Variants in DLL3 observed in about 807,000 individuals in gnomAD.
DLL3 encodes the protein delta like canonical Notch ligand 3, also known as delta-like protein 3.
DLL3 carries 49 observed loss-of-function variants against 55.0 expected under a neutral mutation model. That is an observed-to-expected ratio of 0.89 (90% CI 0.71 to 1.13). DLL3 has a LOEUF of 1.13. DLL3 is among the 50% of genes most tolerant of loss of function. The pLI is 0.00. For synonymous variants in DLL3, 421 were observed against 385.2 expected, an observed-to-expected ratio of 1.09 and a Z score of -1.09; for missense variants, 962 against 875.5, an observed-to-expected ratio of 1.10 and a Z score of -1.25.
chr19:39,500,465 G>A, intron 2 of DLL3, 150 bp from the exon 3 acceptor site: 1 of 686,758 alleles, frequency 1.5e-6, no homozygotes, highest in South Asian at 1.5e-5. Context: ...TCCCTCCCTG[G>A]GCTGGTCTGG....
chr19:39,504,396 T>A, intron 5 of DLL3, 108 bp downstream of exon 5: 1 of 1,269,082 alleles, frequency 7.9e-7, no homozygotes, highest in Non-Finnish European at 1.1e-6. Context: ...GATCTGGGAA[T>A]AACTATCAGG....
chr19:39,504,511 T>C (rs1246697894), intron 5 of DLL3, among the ~76,000 whole-genome samples: 2 of 152,034 alleles, frequency 1.3e-5, no homozygotes, highest in Non-Finnish European at 2.9e-5. Context: ...CCCCGAAAGA[T>C]GCAGGAGTGG....
chr19:39,500,692 G>A lies in DLL3; in HGVS notation c.409+20G>A. ...TTGGAGGTGAGTGTCTTCAGTCTTG[G>A]GACTGGTGGGGAGCTGGGGCCCACG... On this transcript the variant is annotated intron_variant, in intron 3 of 8. Coordinates refer to ENST00000356433, the MANE Select transcript of DLL3 (RefSeq NM_203486.3). 3 of 1,610,616 alleles carry A rather than the reference G, an allele frequency of 1.9e-6. No homozygotes were observed. The highest frequency in any genetic ancestry group is 2.5e-6 in the Non-Finnish European group (3 of 1,177,128).
chr19:39,499,388 T>G lies in DLL3; in HGVS notation c.266T>G (p.Val89Gly). 6.3e-7 allele frequency: 1 copy of G among 1,574,980 alleles called. No individual in the cohort carries two copies. ...LGAALSARGP[V>G]YTEQPGAPAP... Reference sequence around the variant, plus strand: ...GCGGCGCTGAGTGCGCGCGGACCGGTCTACACCGAGCAGCCCGGAGCGCCC... The same window carrying G: ...GCGGCGCTGAGTGCGCGCGGACCGGGCTACACCGAGCAGCCCGGAGCGCCC... Residue 89 changes from valine to glycine, a missense_variant, in exon 2 of 9, where the codon GTC (valine) becomes GGC (glycine). Transcript: ENST00000356433.
intron 6 of DLL3, 155 bp downstream of exon 6, chr19:39,505,606 TC>T: frequency 1.4e-6 from 1 of 701,258 alleles, no homozygotes; most frequent in Non-Finnish European, 2.4e-6. Context: ...AAGGAGACAT[TC>T]CCTATCTCAT....
At position 39,502,930 on chromosome 19, in the gene DLL3, C is replaced by A; in HGVS notation, c.525C>A (p.Arg175=). Residue 175 remains arginine, a synonymous_variant, in exon 4 of 9, where the codon CGC becomes CGA. Transcript: ENST00000356433. ...CCTGGGAGCTGCGCTTCTCGTACCG[C>A]GCGCGCTGCGAGCCGCCTGCCGTCG... ...AGAWELRFSY[R]ARCEPPAVGT... 2 of 1,440,012 alleles carry A rather than the reference C, an allele frequency of 1.4e-6. No homozygotes were observed. Among genetic ancestry groups the A allele is most frequent in the South Asian group, 2.8e-5 (2 of 72,590 alleles). 89.2% of individuals were successfully genotyped at this position (1,440,012 alleles called of 1,614,324 possible).
chr19:39,499,428 A>T lies in DLL3; in HGVS notation c.306A>T (p.Pro102=), dbSNP rs979216098. Residue 102 remains proline, a synonymous_variant, in exon 2 of 9, where the codon CCA becomes CCT. Transcript: ENST00000356433. The part of the protein sequence containing the change: ...EQPGAPAPDL[P]LPDGLLQVPF... ...CCGGAGCGCCCGCGCCTGATCTCCC[A>T]CTGCCCGACGGCCTCTTGCAGGTGC... is the stretch of plus-strand genomic sequence containing the variant. 1.3e-6 allele frequency: 2 copies of T among 1,590,916 alleles called. No homozygotes were observed. The highest frequency in any genetic ancestry group is 8.5e-7 in the Non-Finnish European group (1 of 1,176,300).
At chr19:39,506,980 C>T (rs2079644377) in intron 6 of DLL3, 59 bp from the exon 7 acceptor site, 2 of 1,505,418 alleles carry the variant, frequency 1.3e-6, no homozygotes, top group Admixed American at 2.0e-5. Context: ...TGGGAAACAG[C>T]GCGGGCAGGT....
intron 2 of DLL3, 136 bp from the exon 3 acceptor site, chr19:39,500,479 C>T (rs1401825042): frequency 1.5e-6 from 1 of 676,810 alleles, no homozygotes; most frequent in South Asian, 1.4e-5. Context: ...GGTCTGGTCC[C>T]TCTGGGAATT....
At chr19:39,503,343 T>C (rs1001047983) in intron 4 of DLL3, among the ~76,000 whole-genome samples, 4 of 152,094 alleles carry the variant, frequency 2.6e-5, no homozygotes, top group Non-Finnish European at 5.9e-5. Context: ...CCCTTCCCTC[T>C]CCCAGCCCTC....
rs140715276 is a variant in DLL3, at chr19:39,508,004, C to T, written c.1758+90C>T. The T allele has an allele frequency of 4.8e-5, 77 of 1,613,098 alleles. 3 individuals are homozygous for T. In the South Asian group the frequency reaches 5.5e-4, roughly 12 times the overall value. On this transcript the variant is annotated intron_variant, in intron 8 of 8. Transcript: ENST00000356433. ...TTCCCTACCCTTCCTCGATTCTGTCCGTGAAATGAATTGGGTAGAGTCTCT... is the reference window on the plus strand; with the variant it reads ...TTCCCTACCCTTCCTCGATTCTGTCTGTGAAATGAATTGGGTAGAGTCTCT...
chr19:39,507,534 C>T lies in DLL3; in HGVS notation c.1589C>T (p.Ala530Val). Reference sequence around the variant, plus strand: ...CAGGATGCTGGGTCTCGCTTGCTGGCTGGGACCCCGGAGCCGTCAGTCCAC... The same window carrying T: ...CAGGATGCTGGGTCTCGCTTGCTGGTTGGGACCCCGGAGCCGTCAGTCCAC... ...HSQDAGSRLL[A>V]GTPEPSVHAL... Residue 530 changes from alanine (A) to valine (V), a missense_variant, in exon 7 of 9, where the codon GCT (alanine) becomes GTT (valine). By Grantham distance (64) the Ala-to-Val change is moderately conservative (BLOSUM62 0). Coordinates refer to ENST00000356433, the MANE Select transcript of DLL3 (RefSeq NM_203486.3). 1.2e-6 allele frequency: 2 copies of T among 1,605,706 alleles called. No individual in the cohort carries two copies. The highest frequency in any genetic ancestry group is 2.3e-5 in the East Asian group (1 of 44,394).
In DLL3 at chr19:39,505,237, C is replaced by G; in HGVS notation, c.879C>G (p.Pro293=). Residue 293 remains proline, a synonymous_variant, in exon 6 of 9, where the codon CCC becomes CCG. Coordinates refer to ENST00000356433, the MANE Select transcript of DLL3 (RefSeq NM_203486.3). ...CTCTTGTCCCTGCCCAGGAGACACC[C>G]AGGTCCTTTGAATGCACCTGCCCGC... ...CANGGSCSET[P]RSFECTCPRG... is the part of the protein sequence containing the mutation. 1 of 1,614,040 alleles carries G rather than the reference C, an allele frequency of 6.2e-7. No individual in the cohort carries two copies. The highest frequency in any genetic ancestry group is 8.5e-7 in the Non-Finnish European group (1 of 1,180,020).
chr19:39,508,238 C>T lies in DLL3; in HGVS notation c.1759-14C>T, dbSNP rs2079656764. The T allele has an allele frequency of 6.2e-7, 1 of 1,613,870 alleles. No homozygotes were observed. Among genetic ancestry groups the T allele is most frequent in the African/African-American group, 1.3e-5 (1 of 74,836 alleles). ...GGCAGCCTCTCTAATGCTTCCTACT[C>T]ATTTTGTTTCTAGGCCTGACGCGTC... is the stretch of plus-strand genomic sequence containing the variant. On this transcript the variant is annotated splice_polypyrimidine_tract_variant and intron_variant, in intron 8 of 8. Transcript: ENST00000356433.
At position 39,507,425 on chromosome 19, in the gene DLL3, C is replaced by A. The variant is rs1006948723; in HGVS notation, c.1480C>A (p.Pro494Thr). 1 of 1,592,726 alleles carries A rather than the reference C, an allele frequency of 6.3e-7. No homozygotes were observed. Among genetic ancestry groups the A allele is most frequent in the African/African-American group, 1.3e-5 (1 of 74,618 alleles). The change falls in exon 7 of 9, where the codon CCT (proline) becomes ACT (threonine). Residue 494 changes from proline to threonine, a missense_variant. By Grantham distance (38) the Pro-to-Thr change is conservative. Transcript: ENST00000356433. ...RPGDPQRYLL[P>T]PALGLLVAAG... The stretch of plus-strand genomic sequence containing the variant: ...CGGGGACCCTCAGCGCTACCTTTTG[C>A]CTCCGGCTCTGGGACTGCTCGTGGC...
In DLL3 at chr19:39,503,072, C is replaced by T. The variant is rs528327447; in HGVS notation, c.652+15C>T. ...TGAGGCGCCGCGTGAGTCCTGCGTT[C>T]GACCCCACCCCGTCCCAGCCGGGGA... is the stretch of plus-strand genomic sequence containing the variant. On this transcript the variant is annotated intron_variant, in intron 4 of 8. Transcript: ENST00000356433. 1,085 of 1,521,272 alleles carry T rather than the reference C, an allele frequency of 7.1e-4. 1 individual carries two copies. The highest frequency in any genetic ancestry group is 1.8e-3 in the Middle Eastern group (8 of 4,328). The allele number at this position is 1,521,272 out of a possible 1,614,324, so 94.2% of individuals were successfully genotyped here. A position where few individuals can be genotyped will look rare whatever the true frequency, so the allele number is the denominator to read the frequency against.
At position 39,505,302 on chromosome 19, in the gene DLL3, CAT is replaced by C. The variant is rs786200900; in HGVS notation, c.945_946del (p.Ala317ArgfsTer17). ...CTGCGGTGTGAGGTGAGCGGGGTGACATGTGCAGATGGACCCTGCTTCAACGG... is the reference window on the plus strand; with the variant it reads ...CTGCGGTGTGAGGTGAGCGGGGTGACGTGCAGATGGACCCTGCTTCAACGG... On this transcript the variant is annotated frameshift_variant, in exon 6 of 9. Coordinates refer to ENST00000356433, the MANE Select transcript of DLL3 (RefSeq NM_203486.3). LOFTEE classifies it high-confidence loss of function. 2.5e-5 allele frequency: 40 copies of C among 1,614,056 alleles called. No individual in the cohort carries two copies. The highest frequency in any genetic ancestry group is 9.3e-5 in the African/African-American group (7 of 74,920).
At chr19:39,507,738 C>T in intron 7 of DLL3, 92 bp from the exon 8 acceptor site, 1 of 1,605,582 alleles carries the variant, frequency 6.2e-7, no homozygotes, top group South Asian at 1.1e-5. Flanking sequence ...ACCCCGGTAG[C>T]TGGTTTTGGG....
intron 6 of DLL3, chr19:39,505,710 C>G (rs2079636751): frequency 6.0e-6 from 3 of 496,876 alleles, no homozygotes; most frequent in Admixed American, 6.5e-5. Context: ...AAGTCCCTGG[C>G]CCTGCCTGAT....
Sources: gnomAD v4.1 joint callset for allele counts (sites outside exome capture counted in the v4.1 genomes callset) on GRCh38, gnomAD v4.1.1 for gene constraint, MANE v1.5 for transcripts, NCBI Gene and HGNC (gene_info 2026-07-23, HGNC 2026-07-21) for gene names.